Variants in CXCL1 observed in about 807,000 individuals in gnomAD.
CXCL1 encodes growth-regulated alpha protein.
CXCL1 carries 9 observed loss-of-function variants against 11.7 expected under a neutral mutation model. That is an observed-to-expected ratio of 0.77 (90% CI 0.46 to 1.34). CXCL1 has a LOEUF of 1.34. Among genes scored for constraint, CXCL1 ranks in the 40% most tolerant of loss-of-function variants. The pLI is 0.00. For missense variants in CXCL1, 146 were observed against 138.1 expected (o/e 1.06, Z -0.29); for synonymous variants, 78 against 59.1 (o/e 1.32, Z -1.47).
In CXCL1 at chr4:73,870,933, G is replaced by T. The variant is rs1731938803; in HGVS notation, c.*397G>T. 5.9e-6 allele frequency: 1 copy of T among 168,988 alleles called. No individual in the cohort carries two copies. Among genetic ancestry groups the T allele is most frequent in the African/African-American group, 2.4e-5 (1 of 41,648 alleles). The allele number at this position is 168,988 out of a possible 1,614,324, so 10.5% of individuals were successfully genotyped here. On this transcript the variant is annotated 3_prime_UTR_variant, in exon 4 of 4. Coordinates refer to ENST00000395761, the MANE Select transcript of CXCL1 (RefSeq NM_001511.4). ...CCAGCCACTGTGATAGAGGCTGGCG[G>T]ATCCAAGCAAATGGCCAATGAGATC... is the stretch of plus-strand genomic sequence containing the variant.
In CXCL1 at chr4:73,870,636, T is replaced by C; in HGVS notation, c.*100T>C. ...GAGAGACACAGCTGCAGAGGCCACC[T>C]GGATTGTGCCTAATGTGTTTGAGCA... On this transcript the variant is annotated 3_prime_UTR_variant, in exon 4 of 4. Transcript: ENST00000395761. 1 of 1,414,818 alleles carries C rather than the reference T, an allele frequency of 7.1e-7. No individual in the cohort carries two copies. Among genetic ancestry groups the C allele is most frequent in the South Asian group, 1.2e-5 (1 of 83,114 alleles). The allele number at this position is 1,414,818 out of a possible 1,614,324, so 87.6% of individuals were successfully genotyped here.
At position 73,869,433 on chromosome 4, in the gene CXCL1, G is replaced by A; in HGVS notation, c.-38G>A. 1 of 1,539,094 alleles carries A rather than the reference G, an allele frequency of 6.5e-7. No homozygotes were observed. ...CAGGCACCTCCTCGCCAGCTCTTCCGCTCCTCTCACAGCCGCCAGACCCGC... is the reference window on the plus strand; with the variant it reads ...CAGGCACCTCCTCGCCAGCTCTTCCACTCCTCTCACAGCCGCCAGACCCGC... On this transcript the variant is annotated 5_prime_UTR_variant, in exon 1 of 4. Coordinates refer to ENST00000395761, the MANE Select transcript of CXCL1 (RefSeq NM_001511.4).
In CXCL1 at chr4:73,871,098, A is replaced by G. The variant is rs909080167; in HGVS notation, c.*562A>G. Reference sequence around the variant, plus strand: ...AACTTTAAGAACTAAAATGTTCTAAATATCCCTTGGACATTTTATGTCTTT... The same window carrying G: ...AACTTTAAGAACTAAAATGTTCTAAGTATCCCTTGGACATTTTATGTCTTT... On this transcript the variant is annotated 3_prime_UTR_variant, in exon 4 of 4. Transcript: ENST00000395761. 1.3e-5 allele frequency: 2 copies of G among 153,250 alleles called. No homozygotes were observed. Among genetic ancestry groups the G allele is most frequent in the African/African-American group, 4.8e-5 (2 of 41,472 alleles). The allele number at this position is 153,250 out of a possible 1,614,324, so 9.5% of individuals were successfully genotyped here. A position where few individuals can be genotyped will look rare whatever the true frequency, so the allele number is the denominator to read the frequency against.
Position 73,869,678 on chromosome 4 carries a change from T to C in CXCL1, c.110T>C (p.Val37Ala). 1 of 1,614,174 alleles carries C rather than the reference T, an allele frequency of 6.2e-7. No homozygotes were observed. Among genetic ancestry groups the C allele is most frequent in the African/African-American group, 1.3e-5 (1 of 75,052 alleles). Residue 37 changes from valine (V) to alanine (A), a missense_variant, in exon 2 of 4, where the codon GTG (valine) becomes GCG (alanine). By Grantham distance (64) the Val-to-Ala change is moderately conservative. Transcript: ENST00000395761. The stretch of plus-strand genomic sequence containing the variant: ...GTCTCTTCTTCCCTAGGAGCGTCCG[T>C]GGCCACTGAACTGCGCTGCCAGTGC... Reference protein sequence around the residue: ...AAGRRAAGASVATELRCQCLQ... With the variant: ...AAGRRAAGASAATELRCQCLQ...
At chr4:73,870,486 A>G (rs750295658) in intron 3 of CXCL1, 35 bp from the exon 4 acceptor site, 12 of 1,613,576 alleles carry the variant, frequency 7.4e-6, no homozygotes, top group Non-Finnish European at 1.0e-5. Flanking sequence ...AGCTTTCCCG[A>G]GCACCTACTC....
rs762193840 is a variant in CXCL1 at position 73,869,530 on chromosome 4, G to GCTGCTC, written c.70_75dup (p.Leu24_Leu25dup). 2.3e-5 allele frequency: 37 copies of GCTGCTC among 1,604,938 alleles called. No individual in the cohort carries two copies. The highest frequency in any genetic ancestry group is 3.4e-5 in the Admixed American group (2 of 58,444). On this transcript the variant is annotated inframe_insertion, in exon 1 of 4. Coordinates refer to ENST00000395761, the MANE Select transcript of CXCL1 (RefSeq NM_001511.4). Reference sequence around the variant, plus strand: ...ATCCCCGGCTCCTGCGAGTGGCACTGCTGCTCCTGCTCCTGGTAGCCGCTG... The same window carrying GCTGCTC: ...ATCCCCGGCTCCTGCGAGTGGCACTGCTGCTCCTGCTCCTGCTCCTGGTAGCCGCTG...
At chr4:73,869,613 G>A in intron 1 of CXCL1, 43 bp downstream of exon 1, 1 of 1,613,444 alleles carries the variant, frequency 6.2e-7, no homozygotes, top group Non-Finnish European at 8.5e-7. Flanking sequence ...GACGCGGCTG[G>A]GGTAGGCACC....
chr4:73,870,451 G>C, intron 3 of CXCL1, 70 bp from the exon 4 acceptor site: 1 of 1,596,804 alleles, frequency 6.3e-7, no homozygotes, highest in Non-Finnish European at 8.6e-7. Flanking sequence ...GGAGGAGCAG[G>C]GCAGGAGAAG....
Position 73,870,088 on chromosome 4 carries a change from G to A in CXCL1, c.308+99G>A. On this transcript the variant is annotated intron_variant, in intron 3 of 3. Transcript: ENST00000395761. Reference sequence around the variant, plus strand: ...TAAAATCAGGAAAACCCAGGGGTTAGTTGAAGGACTAGAAATTGGGATTAT... The same window carrying A: ...TAAAATCAGGAAAACCCAGGGGTTAATTGAAGGACTAGAAATTGGGATTAT... 16 of 1,160,638 alleles carry A rather than the reference G, an allele frequency of 1.4e-5. No individual in the cohort carries two copies. The South Asian group carries it at 2.1e-4, about 15-fold the overall frequency. 71.9% of individuals were successfully genotyped at this position (1,160,638 alleles called of 1,614,324 possible). A position where few individuals can be genotyped will look rare whatever the true frequency, so the allele number is the denominator to read the frequency against.
chr4:73,870,221 T>C lies in CXCL1; in HGVS notation c.308+232T>C, dbSNP rs1731917011. 6.4e-6 allele frequency: 4 copies of C among 626,022 alleles called. No homozygotes were observed. In the African/African-American group the frequency reaches 7.4e-5, roughly 12 times the overall value. The allele number at this position is 626,022 out of a possible 1,614,324, so 38.8% of individuals were successfully genotyped here. On this transcript the variant is annotated intron_variant, in intron 3 of 3. Coordinates refer to ENST00000395761, the MANE Select transcript of CXCL1 (RefSeq NM_001511.4). ...GGTTCTTCCTTCGTTCCAATGAATG[T>C]AGGTAAAACTGCCTTCATTTGAGGC...
rs1024453381 is a variant in CXCL1 at position 73,870,601 on chromosome 4, G to A, written c.*65G>A. 1.2e-6 allele frequency: 2 copies of A among 1,602,910 alleles called. No homozygotes were observed. The highest frequency in any genetic ancestry group is 1.7e-6 in the Non-Finnish European group (2 of 1,172,576). ...AGGAGGCCCTGCCCTTATAGGAACA[G>A]AAGAGGAAAGAGAGACACAGCTGCA... On this transcript the variant is annotated 3_prime_UTR_variant, in exon 4 of 4. Coordinates refer to ENST00000395761, the MANE Select transcript of CXCL1 (RefSeq NM_001511.4).
chr4:73,870,212 C>G, intron 3 of CXCL1: 1 of 635,410 alleles, frequency 1.6e-6, no homozygotes, highest in Non-Finnish European at 2.7e-6. Flanking sequence ...TCCTTCGTTC[C>G]AATGAATGTA....
chr4:73,869,582 C>A lies in CXCL1; in HGVS notation c.100+12C>A. On this transcript the variant is annotated intron_variant, in intron 1 of 3. Transcript: ENST00000395761. ...CCGGCGCGCAGCAGGTGGGTACCGG[C>A]GCCCTGGGGTCCCCGGGCCGGACGC... The A allele has an allele frequency of 1.2e-6, 2 of 1,612,226 alleles. No homozygotes were observed. Among genetic ancestry groups the A allele is most frequent in the Non-Finnish European group, 8.5e-7 (1 of 1,179,190 alleles).
intron 3 of CXCL1, 90 bp downstream of exon 3, chr4:73,870,079 C>A: frequency 7.6e-7 from 1 of 1,317,510 alleles, no homozygotes; most frequent in South Asian, 1.2e-5. Context: ...CAGGAAAACC[C>A]AGGGGTTAGT....
At position 73,870,810 on chromosome 4, in the gene CXCL1, A is replaced by G; in HGVS notation, c.*274A>G. On this transcript the variant is annotated 3_prime_UTR_variant, in exon 4 of 4. Transcript: ENST00000395761. ...TCATTCTTTTTGAAATGTCAACCCC[A>G]AGTTAGTTCAATCTGGATTCATATT... The G allele has an allele frequency of 3.1e-6, 1 of 320,898 alleles. No individual in the cohort carries two copies. The highest frequency in any genetic ancestry group is 5.7e-6 in the Non-Finnish European group (1 of 174,958). 19.9% of individuals were successfully genotyped at this position (320,898 alleles called of 1,614,324 possible). A position where few individuals can be genotyped will look rare whatever the true frequency, so the allele number is the denominator to read the frequency against.
At position 73,869,941 on chromosome 4, in the gene CXCL1, A is replaced by G; in HGVS notation, c.260A>G (p.Asn87Ser). 6.2e-7 allele frequency: 1 copy of G among 1,614,052 alleles called. No individual in the cohort carries two copies. The highest frequency in any genetic ancestry group is 1.1e-5 in the South Asian group (1 of 91,082). Residue 87 changes from asparagine (N) to serine (S), a missense_variant, in exon 3 of 4, where the codon AAT becomes AGT. Asn to Ser is a conservative substitution (Grantham distance 46). Transcript: ENST00000395761. ...TLKNGRKACL[N>S]PASPIVKKII... ...AAGAATGGGCGGAAAGCTTGCCTCA[A>G]TCCTGCATCCCCCATAGTTAAGAAA...
chr4:73,870,708 A>T lies in CXCL1; in HGVS notation c.*172A>T. Reference sequence around the variant, plus strand: ...TTTATTTATTTATTCATTAGTTTTGAAGATTCTATGTTAATATTTTAGGTG... The same window carrying T: ...TTTATTTATTTATTCATTAGTTTTGTAGATTCTATGTTAATATTTTAGGTG... On this transcript the variant is annotated 3_prime_UTR_variant, in exon 4 of 4. Coordinates refer to ENST00000395761, the MANE Select transcript of CXCL1 (RefSeq NM_001511.4). The T allele has an allele frequency of 1.4e-6, 1 of 693,900 alleles. No homozygotes were observed. The highest frequency in any genetic ancestry group is 2.1e-5 in the South Asian group (1 of 48,172). 43.0% of individuals were successfully genotyped at this position (693,900 alleles called of 1,614,324 possible). A position where few individuals can be genotyped will look rare whatever the true frequency, so the allele number is the denominator to read the frequency against.
Position 73,870,947 on chromosome 4 carries a change from G to T in CXCL1, c.*411G>T. ...AGAGGCTGGCGGATCCAAGCAAATG[G>T]CCAATGAGATCATTGTGAAGGCAGG... On this transcript the variant is annotated 3_prime_UTR_variant, in exon 4 of 4. Coordinates refer to ENST00000395761, the MANE Select transcript of CXCL1 (RefSeq NM_001511.4). 1 of 166,772 alleles carries T rather than the reference G, an allele frequency of 6.0e-6. No individual in the cohort carries two copies. The highest frequency in any genetic ancestry group is 1.4e-4 in the South Asian group (1 of 7,154). 10.3% of individuals were successfully genotyped at this position (166,772 alleles called of 1,614,324 possible).
At chr4:73,870,304 A>ACCCCCCC in intron 3 of CXCL1, 1 of 594,786 alleles carries the variant, frequency 1.7e-6, no homozygotes, top group Non-Finnish European at 3.0e-6. Flanking sequence ...TACAGTGGAG[A>ACCCCCCC]CCACCGCCCC....
Sources: allele counts gnomAD v4.1 joint callset, GRCh38; gene constraint gnomAD v4.1.1; transcripts MANE v1.5; gene names NCBI Gene and HGNC (gene_info 2026-07-23, HGNC 2026-07-21).